Variants in KMT2C observed in about 807,000 individuals in gnomAD.
The protein encoded by KMT2C is lysine methyltransferase 2C.
KMT2C carries 88 observed loss-of-function variants against 507.9 expected under a neutral mutation model. The observed-to-expected ratio is 0.17, with a 90% CI of 0.15 to 0.21. The LOEUF (loss-of-function observed/expected upper bound fraction) is 0.21, where lower values mean the gene tolerates loss of function less well. Among genes scored for constraint, KMT2C ranks in the 10% least tolerant of loss-of-function variants. The pLI is 1.00. For synonymous variants in KMT2C, 2,049 were observed against 2,080.8 expected (o/e 0.98, Z 0.42); for missense variants, 4,954 against 5,957.8 (o/e 0.83, Z 5.55).
intron 23 of KMT2C, among the ~76,000 whole-genome samples, chr7:152,208,342 T>G (rs1313917561): frequency 6.6e-6 from 1 of 152,230 alleles, no homozygotes; most frequent in East Asian, 1.9e-4. Flanking sequence ...CTTTCAGGAT[T>G]TATTCTAAAC....
At chr7:152,434,964 G>T (rs1292854983) in intron 1 of KMT2C, among the ~76,000 whole-genome samples, 2 of 152,200 alleles carry the variant, frequency 1.3e-5, no homozygotes, top group Non-Finnish European at 2.9e-5. Flanking sequence ...GAAGCTGGGG[G>T]ATCCCACAGG....
At chr7:152,326,544 T>C (rs1005014913) in intron 3 of KMT2C, among the ~76,000 whole-genome samples, 8 of 152,174 alleles carry the variant, frequency 5.3e-5, no homozygotes, top group African/African-American at 1.9e-4. Context: ...CTATTAATTA[T>C]ACATATTCAT....
At chr7:152,323,547 G>A (rs1406326936) in intron 3 of KMT2C, among the ~76,000 whole-genome samples, 1 of 151,264 alleles carries the variant, frequency 6.6e-6, no homozygotes, top group African/African-American at 2.4e-5. Context: ...GCTGTGGTGG[G>A]AGGATTGCCT....
chr7:152,173,657 G>GT (rs1196218698), intron 39 of KMT2C, among the ~76,000 whole-genome samples: 5 of 152,164 alleles, frequency 3.3e-5, no homozygotes, highest in African/African-American at 1.2e-4. Flanking sequence ...GACAAACTCT[G>GT]TAACTCCAAC....
chr7:152,140,252 G>C (rs1423972246), intron 55 of KMT2C, among the ~76,000 whole-genome samples: 1 of 152,218 alleles, frequency 6.6e-6, no homozygotes, highest in Non-Finnish European at 1.5e-5. Context: ...ACTTGGCTCT[G>C]AGTTTCCCAG....
At chr7:152,342,925 CCCATTCTAGGCCATT>C (rs1020699246) in intron 2 of KMT2C, among the ~76,000 whole-genome samples, 10 of 152,156 alleles carry the variant, frequency 6.6e-5, no homozygotes, top group African/African-American at 2.2e-4. Context: ...CTAACTTTAG[CCCATTCTAGGCCATT>C]CTGCCCCACC....
At chr7:152,196,094 A>C in intron 27 of KMT2C, 83 bp from the exon 28 acceptor site, 1 of 634,336 alleles carries the variant, frequency 1.6e-6, no homozygotes, top group South Asian at 3.2e-5. Context: ...AGTACAGCAG[A>C]TACTGAGTGA....
intron 23 of KMT2C, among the ~76,000 whole-genome samples, chr7:152,209,208 G>A (rs2094391993): frequency 6.6e-6 from 1 of 151,132 alleles, no homozygotes; most frequent in African/African-American, 2.4e-5. Flanking sequence ...TGTAATCCCA[G>A]CACTTTGGGA....
chr7:152,339,270 T>G (rs1391249335), intron 2 of KMT2C, among the ~76,000 whole-genome samples: 2 of 152,240 alleles, frequency 1.3e-5, no homozygotes, highest in Admixed American at 6.5e-5. Context: ...TAATTTTTAT[T>G]CACTTCCAAA....
intron 6 of KMT2C, among the ~76,000 whole-genome samples, chr7:152,305,038 C>CAT (rs2129195692): frequency 6.6e-6 from 1 of 152,208 alleles, no homozygotes; most frequent in African/African-American, 2.4e-5. Context: ...ATATTGATAA[C>CAT]CTCCAGTAAC....
At chr7:152,230,759 A>G (rs1372186573) in intron 16 of KMT2C, among the ~76,000 whole-genome samples, 1 of 152,242 alleles carries the variant, frequency 6.6e-6, no homozygotes, top group African/African-American at 2.4e-5. Context: ...TGAAATGGTA[A>G]TATTTTAGAT....
rs554935265 is a variant in KMT2C, at chr7:152,384,037, T to G, written c.162-25362A>C. Among the ~76,000 whole-genome samples the G allele has an allele frequency of 8.8e-4, 129 of 146,102 alleles. 1 individual carries two copies. The highest frequency in any genetic ancestry group is 1.5e-3 in the Admixed American group (22 of 14,894). On this transcript the variant is annotated intron_variant, in intron 1 of 58. Transcript: ENST00000262189. Reference sequence around the variant, plus strand: ...TAGAAGGAGATCCGAGAGGCAGACATGTGTGTCTGTGTGTGTGTGCGTGTG... The same window carrying G: ...TAGAAGGAGATCCGAGAGGCAGACAGGTGTGTCTGTGTGTGTGTGCGTGTG...
intron 34 of KMT2C, among the ~76,000 whole-genome samples, chr7:152,183,871 G>C (rs192520279): frequency 2.6e-4 from 39 of 151,680 alleles, no homozygotes; most frequent in Non-Finnish European, 5.2e-4. Context: ...ACTCCAGCCT[G>C]GGCAACAAGA....
chr7:152,228,166 G>A (rs2094992436), intron 18 of KMT2C, among the ~76,000 whole-genome samples: 1 of 152,136 alleles, frequency 6.6e-6, no homozygotes, highest in Non-Finnish European at 1.5e-5. Context: ...GTAGTCTTGT[G>A]TTATAAAATG....
At chr7:152,261,007 T>C (rs1190340931) in intron 9 of KMT2C, among the ~76,000 whole-genome samples, 7 of 151,040 alleles carry the variant, frequency 4.6e-5, no homozygotes, top group Admixed American at 4.6e-4. Context: ...AAGAGAAAAG[T>C]AGAAAGGAAT....
intron 23 of KMT2C, among the ~76,000 whole-genome samples, chr7:152,213,727 G>C (rs2360937): frequency 6.8e-6 from 1 of 147,156 alleles, no homozygotes. Context: ...ACTACATCAA[G>C]CAAATAAGCT....
chr7:152,392,593 T>C (rs547102087), intron 1 of KMT2C, among the ~76,000 whole-genome samples: 44 of 152,364 alleles, frequency 2.9e-4, no homozygotes, highest in Non-Finnish European at 5.6e-4. Context: ...CAGTGTTTAA[T>C]GAACTTGCCT....
Position 152,162,354 on chromosome 7 carries a change from A to T in KMT2C, c.11223T>A (p.Gly3741=), listed in dbSNP as rs2092500812. 6.2e-7 allele frequency: 1 copy of T among 1,614,154 alleles called. No homozygotes were observed. Among genetic ancestry groups the T allele is most frequent in the Non-Finnish European group, 8.5e-7 (1 of 1,180,026 alleles). ...QEEPKLEEQN[G]SKVEGNAVAC... ...CTACAGCGTTTCCTTCTACCTTACT[A>T]CCATTCTGTTCCTCCAATTTAGGCT... Residue 3741 remains glycine, a synonymous_variant, in exon 43 of 59, where the codon GGT becomes GGA. Transcript: ENST00000262189.
intron 3 of KMT2C, among the ~76,000 whole-genome samples, chr7:152,315,743 C>A (rs537239631): frequency 6.6e-6 from 1 of 152,072 alleles, no homozygotes; most frequent in African/African-American, 2.4e-5. Flanking sequence ...GTGGTGAAAC[C>A]CCATCTCTAC....
Sources: gnomAD v4.1 joint callset for allele counts (sites outside exome capture counted in the v4.1 genomes callset) on GRCh38, gnomAD v4.1.1 for gene constraint, MANE v1.5 for transcripts, NCBI Gene and HGNC (gene_info 2026-07-23, HGNC 2026-07-21) for gene names.